The following UNC5C variants were observed in gnomAD, a reference collection of about 807,000 sequenced individuals.
UNC5C encodes the protein unc-5 netrin receptor C.
Under a neutral mutation model 99.8 loss-of-function variants are expected in UNC5C, and 47 were observed. That is an observed-to-expected ratio of 0.47 (90% confidence interval 0.37 to 0.60). The LOEUF is 0.60. Ranked by LOEUF, UNC5C falls within the 20% of genes least tolerant of loss-of-function variation. The pLI is 0.00. For missense variants in UNC5C, 1,062 were observed against 1,165.9 expected (o/e 0.91, Z 1.30); for synonymous variants, 487 against 452.2 (o/e 1.08, Z -0.98).
At chr4:95,432,294 C>T (rs960759469) in intron 1 of UNC5C, among the ~76,000 whole-genome samples, 6 of 152,052 alleles carry the variant, frequency 3.9e-5, no homozygotes, top group Admixed American at 2.0e-4. Context: ...TTGATCTTAA[C>T]ACAGTTGCTA....
At chr4:95,222,257 T>C (rs1179333575) in intron 7 of UNC5C, 10 of 1,469,068 alleles carry the variant, frequency 6.8e-6, no homozygotes, top group Non-Finnish European at 8.1e-6. Flanking sequence ...TGAAATGGGA[T>C]AAATGAAACC....
chr4:95,389,087 G>A (rs918950477), intron 1 of UNC5C, among the ~76,000 whole-genome samples: 1 of 152,072 alleles, frequency 6.6e-6, no homozygotes, highest in Non-Finnish European at 1.5e-5. Flanking sequence ...TAGGCCTGCT[G>A]TTATTCAAAA....
At position 95,331,196 on chromosome 4, in the gene UNC5C, C is replaced by T. The variant is rs1743097391; in HGVS notation, c.346+4214G>A. 2.0e-5 allele frequency among the ~76,000 whole-genome samples: 3 copies of T among 152,192 alleles called. No homozygotes were observed. In the South Asian group the frequency reaches 6.2e-4, roughly 32 times the overall value. Reference sequence around the variant, plus strand: ...AGTATTCTATTGTTTGTATATATCACATTTTCCTTATCTGATTATCCACTG... The same window carrying T: ...AGTATTCTATTGTTTGTATATATCATATTTTCCTTATCTGATTATCCACTG... On this transcript the variant is annotated intron_variant, in intron 2 of 15. Transcript: ENST00000453304.
chr4:95,236,514 G>T (rs1044492889), intron 7 of UNC5C, among the ~76,000 whole-genome samples: 3 of 151,546 alleles, frequency 2.0e-5, no homozygotes, highest in Non-Finnish European at 2.9e-5. Context: ...GCACACGAAC[G>T]TGGCACATGT....
intron 2 of UNC5C, among the ~76,000 whole-genome samples, chr4:95,305,067 G>T (rs1742013608): frequency 6.6e-6 from 1 of 152,138 alleles, no homozygotes; most frequent in African/African-American, 2.4e-5. Flanking sequence ...GCTCCCTGTG[G>T]GCACTGGAGT....
At chr4:95,330,730 G>A (rs1407487444) in intron 2 of UNC5C, among the ~76,000 whole-genome samples, 1 of 151,886 alleles carries the variant, frequency 6.6e-6, no homozygotes, top group Non-Finnish European at 1.5e-5. Context: ...CATTACTTGT[G>A]TTGTCTAATG....
intron 1 of UNC5C, among the ~76,000 whole-genome samples, chr4:95,345,545 C>T (rs1743740598): frequency 6.6e-6 from 1 of 151,998 alleles, no homozygotes; most frequent in Non-Finnish European, 1.5e-5. Context: ...TCAGCAGTTA[C>T]AGAATGCACA....
At position 95,164,597 on chromosome 4, in the gene UNC5C, T is replaced by C. The variant is rs2149340666; in HGVS notation, c.*4637A>G. The C allele has an allele frequency of 6.6e-6, 1 of 152,374 alleles. No individual in the cohort carries two copies. Among genetic ancestry groups the C allele is most frequent in the Admixed American group, 6.5e-5 (1 of 15,308 alleles). 9.4% of individuals were successfully genotyped at this position (152,374 alleles called of 1,614,324 possible). On this transcript the variant is annotated 3_prime_UTR_variant, in exon 16 of 16. Transcript: ENST00000453304. ...AAAAAAATGTTTTGTTAACTTGAGA[T>C]AATAAAATATTTTCCTTATTAGATC...
At chr4:95,505,520 C>T (rs79295718) in intron 1 of UNC5C, among the ~76,000 whole-genome samples, 46 of 152,118 alleles carry the variant, frequency 3.0e-4, no homozygotes, top group Non-Finnish European at 5.6e-4. Context: ...ATGCAGTATG[C>T]CTTATAAACA....
chr4:95,409,255 C>A (rs1745911068), intron 1 of UNC5C, among the ~76,000 whole-genome samples: 1 of 152,102 alleles, frequency 6.6e-6, no homozygotes, highest in African/African-American at 2.4e-5. Context: ...GACTTCTTTG[C>A]TCTTTGTTTA....
chr4:95,495,716 C>A (rs577402929), intron 1 of UNC5C, among the ~76,000 whole-genome samples: 13 of 151,618 alleles, frequency 8.6e-5, no homozygotes, highest in Admixed American at 6.6e-5. Flanking sequence ...GATTTAAAAT[C>A]CCATGTTTTG....
At chr4:95,414,628 G>T (rs1446199156) in intron 1 of UNC5C, among the ~76,000 whole-genome samples, 1 of 152,202 alleles carries the variant, frequency 6.6e-6, no homozygotes, top group South Asian at 2.1e-4. Context: ...ACTTCGTGAT[G>T]TCAGCTTTCT....
chr4:95,420,017 A>G (rs1257747799), intron 1 of UNC5C, among the ~76,000 whole-genome samples: 2 of 152,142 alleles, frequency 1.3e-5, no homozygotes, highest in East Asian at 3.8e-4. Context: ...TTTTATTACA[A>G]AGAAATGACA....
In UNC5C at chr4:95,333,786, T is replaced by C. The variant is rs536764808; in HGVS notation, c.346+1624A>G. Among the ~76,000 whole-genome samples the C allele has an allele frequency of 7.6e-4, 116 of 152,262 alleles. 1 individual carries two copies. Among genetic ancestry groups the C allele is most frequent in the Middle Eastern group, 3.4e-3 (1 of 294 alleles). On this transcript the variant is annotated intron_variant, in intron 2 of 15. Transcript: ENST00000453304. The stretch of plus-strand genomic sequence containing the variant: ...CTATATAGGCATGTCATTATTTTAG[T>C]AAAGATAAGCCTGAATATGTTGTAA...
At chr4:95,488,370 G>A (rs1721384632) in intron 1 of UNC5C, among the ~76,000 whole-genome samples, 1 of 151,632 alleles carries the variant, frequency 6.6e-6, no homozygotes, top group East Asian at 1.9e-4. Flanking sequence ...AAAGAAAAAC[G>A]AATTACACTT....
intron 2 of UNC5C, among the ~76,000 whole-genome samples, chr4:95,334,802 C>T (rs1743268726): frequency 2.6e-5 from 4 of 151,952 alleles, no homozygotes; most frequent in Admixed American, 1.3e-4. Context: ...TCAAGACCCT[C>T]TGAGAAAGGG....
intron 14 of UNC5C, among the ~76,000 whole-genome samples, chr4:95,181,423 CG>C: frequency 6.6e-6 from 1 of 152,280 alleles, no homozygotes; most frequent in South Asian, 2.1e-4. Context: ...CTTTTTAACA[CG>C]CAGCCAATGT....
At chr4:95,220,285 A>G in intron 7 of UNC5C, 109 bp from the exon 8 acceptor site, 1 of 1,050,876 alleles carries the variant, frequency 9.5e-7, no homozygotes, top group Non-Finnish European at 1.3e-6. Flanking sequence ...TTATAGGTTA[A>G]TTTCAAATCT....
chr4:95,338,072 T>A (rs1044590890), intron 1 of UNC5C, among the ~76,000 whole-genome samples: 1 of 152,024 alleles, frequency 6.6e-6, no homozygotes, highest in East Asian at 1.9e-4. Flanking sequence ...TTAGTAGATA[T>A]GTACAGTGGG....
Sources: gnomAD v4.1 joint callset for allele counts (sites outside exome capture counted in the v4.1 genomes callset) on GRCh38, gnomAD v4.1.1 for gene constraint, MANE v1.5 for transcripts, NCBI Gene and HGNC (gene_info 2026-07-23, HGNC 2026-07-21) for gene names.